Variants in CLEC2A observed in about 807,000 individuals in gnomAD.
The protein encoded by CLEC2A is keratinocyte-associated C-type lectin.
CLEC2A carries 19 observed loss-of-function variants against 18.6 expected under a neutral mutation model. The observed-to-expected ratio is 1.02, with a 90% CI of 0.71 to 1.50. The LOEUF (loss-of-function observed/expected upper bound fraction) is 1.50. Among genes scored for constraint, CLEC2A ranks in the 40% most tolerant of loss-of-function variants. The pLI, the probability that CLEC2A is intolerant of heterozygous loss-of-function variation, is 0.00. For synonymous variants in CLEC2A, 74 were observed against 64.0 expected, an observed-to-expected ratio of 1.16 and a Z score of -0.75; for missense variants, 190 against 207.9, an observed-to-expected ratio of 0.91 and a Z score of 0.53.
chr12:9,925,381 A>G (rs1863252075), intron 2 of CLEC2A, among the ~76,000 whole-genome samples: 2 of 152,242 alleles, frequency 1.3e-5, no homozygotes, highest in South Asian at 4.1e-4. Context: ...TATGAAGGTC[A>G]AGCTGCATGG....
the CLEC2A span, chr12:9,893,453 C>G: frequency 1.3e-6 from 2 of 1,492,834 alleles, no homozygotes; most frequent in African/African-American, 1.4e-5. Context: ...CAGTTTAAAA[C>G]CTGGACATTT....
intron 4 of CLEC2A, among the ~76,000 whole-genome samples, chr12:9,913,990 CT>C (rs1863029124): frequency 6.6e-6 from 1 of 152,154 alleles, no homozygotes; most frequent in Non-Finnish European, 1.5e-5. Flanking sequence ...TTCCTTGGTT[CT>C]TTCCTTCCTT....
chr12:9,929,942 A>T (rs1863347058), intron 1 of CLEC2A, among the ~76,000 whole-genome samples: 1 of 151,352 alleles, frequency 6.6e-6, no homozygotes, highest in Admixed American at 6.6e-5. Context: ...TATTTTTTAG[A>T]CCTCTACCTT....
At chr12:9,899,642 C>T (rs1862799080) in intron 4 of CLEC2A, among the ~76,000 whole-genome samples, 1 of 152,220 alleles carries the variant, frequency 6.6e-6, no homozygotes, top group Non-Finnish European at 1.5e-5. Flanking sequence ...GCCAAAGCGG[C>T]TTTCACCCCT....
Position 9,922,087 on chromosome 12 carries a change from C to A in CLEC2A, c.285G>T (p.Gln95His). Reference protein sequence around the residue: ...FCSLQKAELAQIDTQEDMEFL... With the variant: ...FCSLQKAELAHIDTQEDMEFL... ...TTACCATGTCTTCTTGTGTATCAAT[C>A]TGAGCAAGTTCTGCTTTCTGCAAAC... is the stretch of plus-strand genomic sequence containing the variant. Residue 95 changes from glutamine to histidine, a missense_variant, in exon 3 of 5, where the codon CAG becomes CAT. Coordinates refer to ENST00000455827, the MANE Select transcript of CLEC2A (RefSeq NM_001130711.2). 1 of 1,548,222 alleles carries A rather than the reference C, an allele frequency of 6.5e-7. No homozygotes were observed.
At chr12:9,907,744 G>A (rs1037975547) in intron 4 of CLEC2A, among the ~76,000 whole-genome samples, 7 of 152,132 alleles carry the variant, frequency 4.6e-5, no homozygotes, top group Non-Finnish European at 7.3e-5. Context: ...AAAAGGCTAG[G>A]GGAATCTGTG....
chr12:9,885,606 G>A, the CLEC2A span, among the ~76,000 whole-genome samples: 21,252 of 151,804 alleles, frequency 0.14, 2,462 homozygotes, highest in East Asian at 0.34. Context: ...CTTCTGTAGC[G>A]TAGAAGATCC....
At chr12:9,892,736 C>T in the CLEC2A span, among the ~76,000 whole-genome samples, 1 of 151,828 alleles carries the variant, frequency 6.6e-6, no homozygotes, top group Non-Finnish European at 1.5e-5. Flanking sequence ...AGGCATGGGC[C>T]ACCATGCCTG....
At chr12:9,882,221 G>A in the CLEC2A span, among the ~76,000 whole-genome samples, 1 of 151,890 alleles carries the variant, frequency 6.6e-6, no homozygotes, top group African/African-American at 2.4e-5. Flanking sequence ...CAAGACCTAA[G>A]TTAAGATGAC....
chr12:9,914,395 C>T (rs1046785794), intron 4 of CLEC2A, among the ~76,000 whole-genome samples: 1 of 152,024 alleles, frequency 6.6e-6, no homozygotes, highest in Non-Finnish European at 1.5e-5. Context: ...AAAAAGAGCC[C>T]ATATAGCCAA....
chr12:9,878,961 T>G, the CLEC2A span, among the ~76,000 whole-genome samples: 1 of 152,108 alleles, frequency 6.6e-6, no homozygotes, highest in South Asian at 2.1e-4. Flanking sequence ...AACTGTTCAC[T>G]GTTGACTATA....
the CLEC2A span, chr12:9,884,997 T>C: frequency 7.5e-7 from 1 of 1,330,216 alleles, no homozygotes; most frequent in Non-Finnish European, 9.7e-7. Flanking sequence ...GTGATCCTTA[T>C]ATTCATTATG....
downstream of CLEC2A, among the ~76,000 whole-genome samples, chr12:9,894,130 C>CTT (rs1565524091): frequency 3.0e-5 from 4 of 131,482 alleles, no homozygotes; most frequent in Admixed American, 2.3e-4. Context: ...TTTTCTTTCT[C>CTT]TCTCTCTCTC....
chr12:9,920,390 G>A (rs759156003), intron 3 of CLEC2A, among the ~76,000 whole-genome samples: 2 of 152,166 alleles, frequency 1.3e-5, no homozygotes, highest in African/African-American at 2.4e-5. Context: ...GAAGGCCCCG[G>A]TGGAGTTGGT....
downstream of CLEC2A, among the ~76,000 whole-genome samples, chr12:9,893,818 ATTT>A (rs1862718761): frequency 1.3e-5 from 2 of 152,066 alleles, no homozygotes; most frequent in African/African-American, 4.8e-5. Flanking sequence ...ATTCATAATA[ATTT>A]TTAAATTTCT....
chr12:9,886,431 A>G, the CLEC2A span, among the ~76,000 whole-genome samples: 2 of 152,212 alleles, frequency 1.3e-5, no homozygotes, highest in Admixed American at 1.3e-4. Flanking sequence ...AGTGGATAGC[A>G]TAATGCTATT....
At chr12:9,890,875 C>T in the CLEC2A span, among the ~76,000 whole-genome samples, 5 of 152,154 alleles carry the variant, frequency 3.3e-5, no homozygotes, top group South Asian at 2.1e-4. Flanking sequence ...TTCTGTCTAC[C>T]GCAATTCCTA....
At chr12:9,929,659 T>C (rs899484143) in intron 1 of CLEC2A, among the ~76,000 whole-genome samples, 1 of 152,124 alleles carries the variant, frequency 6.6e-6, no homozygotes, top group African/African-American at 2.4e-5. Context: ...AGTAAATAAA[T>C]ATTTTCTTGG....
At chr12:9,888,443 T>C in the CLEC2A span, among the ~76,000 whole-genome samples, 15 of 151,862 alleles carry the variant, frequency 9.9e-5, no homozygotes, top group East Asian at 1.9e-4. Context: ...TGAGCCGAGA[T>C]TGCGCCACTG....
Sources: gnomAD v4.1 joint callset for allele counts (sites outside exome capture counted in the v4.1 genomes callset) on GRCh38, gnomAD v4.1.1 for gene constraint, MANE v1.5 for transcripts, NCBI Gene and HGNC (gene_info 2026-07-23, HGNC 2026-07-21) for gene names.